Variants in AMMECR1 observed in about 807,000 individuals in gnomAD.
AMMECR1 encodes the protein nuclear protein AMMECR1.
In AMMECR1, 3 loss-of-function variants were observed where a neutral mutation model predicts 22.5. The ratio of observed to expected loss-of-function variants is 0.13; its 90% CI spans 0.06 to 0.35. AMMECR1 has a LOEUF of 0.35. AMMECR1 is among the 10% of genes least tolerant of loss of function. The probability of loss-of-function intolerance (pLI) is 1.00; values close to 1 mark genes in which losing one functional copy is unlikely to be tolerated. For synonymous variants in AMMECR1, 130 were observed against 116.7 expected, an observed-to-expected ratio of 1.11 and a Z score of -0.74; for missense variants, 235 against 278.7, an observed-to-expected ratio of 0.84 and a Z score of 1.12.
Position 110,404,071 on chromosome X carries a change from G to A in AMMECR1, c.-148+22587C>T, listed in dbSNP as rs72618396. 6.3e-4 allele frequency among the ~76,000 whole-genome samples: 71 copies of A among 112,460 alleles called. No homozygotes were observed. The East Asian group carries it at 0.02, about 31-fold the overall frequency. On this transcript the variant is annotated intron_variant, in intron 2 of 7. Coordinates refer to the AMMECR1 transcript ENST00000372057. ...AGAACGAACAGTCTTTAGTGATTCC[G>A]GAGACTTGTTGTCATGTTCTTTCTT... is the stretch of plus-strand genomic sequence containing the variant.
intron 2 of AMMECR1, chrX:110,346,935 C>T: frequency 1.9e-6 from 1 of 540,509 alleles, no homozygotes; most frequent in Non-Finnish European, 3.4e-6. Context: ...CGGGCCGATT[C>T]GTGGGTCGGT....
intron 2 of AMMECR1, among the ~76,000 whole-genome samples, chrX:110,327,705 G>A (rs764926296): frequency 2.7e-5 from 3 of 111,597 alleles, no homozygotes; most frequent in African/African-American, 9.8e-5. Context: ...TTTAATTAGC[G>A]ATAGTTCCTA....
chrX:110,330,169 C>CACTT (rs1485444681), intron 2 of AMMECR1, among the ~76,000 whole-genome samples: 1 of 111,837 alleles, frequency 8.9e-6, no homozygotes, highest in African/African-American at 3.2e-5. Flanking sequence ...CCCGTTACTA[C>CACTT]ACTTCAATCC....
chrX:110,434,850 G>T (rs1250629878), intron 1 of AMMECR1, among the ~76,000 whole-genome samples: 2 of 110,267 alleles, frequency 1.8e-5, no homozygotes, highest in African/African-American at 3.3e-5. Context: ...CTCATCCAGG[G>T]CAAGGGCTAG....
intron 2 of AMMECR1, among the ~76,000 whole-genome samples, chrX:110,324,648 G>GTT (rs771995443): frequency 1.2e-5 from 1 of 84,496 alleles, no homozygotes; most frequent in Non-Finnish European, 2.4e-5. Flanking sequence ...TTTGTTGAGT[G>GTT]TTTTTTTTTT....
intron 2 of AMMECR1, among the ~76,000 whole-genome samples, chrX:110,391,639 C>G (rs1164766704): frequency 8.9e-6 from 1 of 112,077 alleles, no homozygotes; most frequent in African/African-American, 3.2e-5. Flanking sequence ...ACCACTTCCA[C>G]TTTAAACTTC....
intron 1 of AMMECR1, among the ~76,000 whole-genome samples, chrX:110,428,694 C>A (rs989680910): frequency 2.7e-5 from 3 of 111,158 alleles, no homozygotes; most frequent in Non-Finnish European, 3.8e-5. Context: ...GTCTGCAGGG[C>A]AAATATCAAA....
chrX:110,369,124 GA>G (rs2068318806), intron 2 of AMMECR1, among the ~76,000 whole-genome samples: 1 of 111,627 alleles, frequency 9.0e-6, no homozygotes, highest in Admixed American at 9.5e-5. Context: ...GGAAGTCAGG[GA>G]ATTGAGACCA....
chrX:110,381,689 T>C (rs748412776), intron 2 of AMMECR1, among the ~76,000 whole-genome samples: 1 of 111,270 alleles, frequency 9.0e-6, no homozygotes. Flanking sequence ...CCATTGATAG[T>C]GGATCGGATA....
At chrX:110,356,913 T>C (rs1489903375) in intron 2 of AMMECR1, among the ~76,000 whole-genome samples, 1 of 111,680 alleles carries the variant, frequency 9.0e-6, no homozygotes, top group East Asian at 2.8e-4. Context: ...TCTGTGTACC[T>C]AACTACTACA....
At chrX:110,366,034 G>C (rs1174816040) in intron 2 of AMMECR1, among the ~76,000 whole-genome samples, 1 of 111,652 alleles carries the variant, frequency 9.0e-6, no homozygotes, top group African/African-American at 3.3e-5. Context: ...CTGCAGACTG[G>C]CTCAGCTGCA....
chrX:110,391,466 G>A (rs193065091), intron 2 of AMMECR1, among the ~76,000 whole-genome samples: 1 of 111,835 alleles, frequency 8.9e-6, no homozygotes, highest in East Asian at 2.8e-4. Flanking sequence ...TCTATGATTT[G>A]TATAGTAGCC....
chrX:110,370,488 C>T (rs1446490402), intron 2 of AMMECR1, among the ~76,000 whole-genome samples: 7 of 112,563 alleles, frequency 6.2e-5, no homozygotes, highest in South Asian at 3.7e-4. Flanking sequence ...GGATTACAAG[C>T]GTGAGCCACT....
intron 2 of AMMECR1, among the ~76,000 whole-genome samples, chrX:110,397,242 T>C (rs1279087195): frequency 2.7e-5 from 3 of 111,599 alleles, no homozygotes; most frequent in African/African-American, 9.8e-5. Flanking sequence ...ACTCCCCTGA[T>C]ATCCCACCCA....
chrX:110,404,716 A>T (rs1198899298), intron 2 of AMMECR1, among the ~76,000 whole-genome samples: 1 of 111,379 alleles, frequency 9.0e-6, no homozygotes, highest in Non-Finnish European at 1.9e-5. Flanking sequence ...GCCATTTCTG[A>T]CCACTTCCCA....
chrX:110,427,566 T>C (rs760293899), intron 1 of AMMECR1, among the ~76,000 whole-genome samples: 5 of 111,861 alleles, frequency 4.5e-5, no homozygotes, highest in Non-Finnish European at 9.4e-5. Flanking sequence ...GAGGGAGCTT[T>C]TAAAAGTTCT....
intron 2 of AMMECR1, among the ~76,000 whole-genome samples, chrX:110,260,689 G>A (rs2067736039): frequency 9.0e-6 from 1 of 111,275 alleles, no homozygotes; most frequent in Non-Finnish European, 1.9e-5. Context: ...CTATAAACTG[G>A]TTCACTTTTA....
chrX:110,302,774 T>C (rs2067973962), intron 1 of AMMECR1, among the ~76,000 whole-genome samples: 1 of 110,594 alleles, frequency 9.0e-6, no homozygotes, highest in African/African-American at 3.3e-5. Flanking sequence ...CTTGGGAGGC[T>C]GAGGCAGGAG....
At chrX:110,246,677 G>A (rs2067659960) in intron 2 of AMMECR1, among the ~76,000 whole-genome samples, 1 of 112,287 alleles carries the variant, frequency 8.9e-6, no homozygotes, top group East Asian at 2.8e-4. Flanking sequence ...TGGAAGGCAA[G>A]ATAAAGCAAG....
Sources: allele counts gnomAD v4.1 joint callset (sites outside exome capture counted in the v4.1 genomes callset), GRCh38; gene constraint gnomAD v4.1.1; transcripts MANE v1.5; gene names NCBI Gene and HGNC (gene_info 2026-07-23, HGNC 2026-07-21).